The following EBF1 variants were observed in gnomAD, a reference collection of about 807,000 sequenced individuals.
EBF1 encodes the protein transcription factor COE1.
EBF1 carries 10 observed loss-of-function variants against 68.4 expected under a neutral mutation model. The ratio of observed to expected loss-of-function variants is 0.15; its 90% CI spans 0.09 to 0.25. The LOEUF (loss-of-function observed/expected upper bound fraction) is 0.25, where lower values mean the gene tolerates loss of function less well. EBF1 is among the 10% of genes least tolerant of loss of function. EBF1 has a pLI of 1.00. For synonymous variants in EBF1, 298 were observed against 299.8 expected, an observed-to-expected ratio of 0.99 and a Z score of 0.06; for missense variants, 509 against 794.4, an observed-to-expected ratio of 0.64 and a Z score of 4.32.
intron 6 of EBF1, among the ~76,000 whole-genome samples, chr5:158,977,109 T>C (rs1408706797): frequency 6.6e-6 from 1 of 152,144 alleles, no homozygotes; most frequent in African/African-American, 2.4e-5. Flanking sequence ...ACAGCGACTA[T>C]CATGGAACCA....
At chr5:159,073,010 T>G (rs895499190) in intron 6 of EBF1, among the ~76,000 whole-genome samples, 15 of 152,190 alleles carry the variant, frequency 9.9e-5, no homozygotes, top group African/African-American at 3.4e-4. Context: ...TAGCTAAAAG[T>G]GATAATGATT....
intron 6 of EBF1, among the ~76,000 whole-genome samples, chr5:158,879,625 T>G (rs1798457242): frequency 6.6e-6 from 1 of 152,192 alleles, no homozygotes; most frequent in Non-Finnish European, 1.5e-5. Flanking sequence ...AACATATGTG[T>G]GCATGTCAGC....
Position 158,903,769 on chromosome 5 carries a change from T to C in EBF1, c.555-63659A>G, listed in dbSNP as rs887041838. Among the ~76,000 whole-genome samples, 92 of 152,328 alleles carry C rather than the reference T, an allele frequency of 6.0e-4. 1 individual carries two copies. The highest frequency in any genetic ancestry group is 2.1e-3 in the African/African-American group (88 of 41,586). The stretch of plus-strand genomic sequence containing the variant: ...ATCCAAAGACAATCAGTGGCTTTAC[T>C]ATCTCACCTCTCTGTATTCTCTAAT... On this transcript the variant is annotated intron_variant, in intron 6 of 15. Transcript: ENST00000313708.
At chr5:158,721,961 G>T (rs1581315187) in intron 11 of EBF1, among the ~76,000 whole-genome samples, 1 of 151,304 alleles carries the variant, frequency 6.6e-6, no homozygotes, top group Admixed American at 6.6e-5. Context: ...ATGGTAATTG[G>T]TGAATGGGAG....
At chr5:158,805,187 G>C (rs1781342665) in intron 8 of EBF1, among the ~76,000 whole-genome samples, 2 of 152,098 alleles carry the variant, frequency 1.3e-5, no homozygotes, top group Admixed American at 6.6e-5. Flanking sequence ...CAATTTTCAG[G>C]TTAAAAAAAT....
At chr5:158,724,875 T>C (rs1762668484) in intron 11 of EBF1, among the ~76,000 whole-genome samples, 1 of 152,242 alleles carries the variant, frequency 6.6e-6, no homozygotes, top group South Asian at 2.1e-4. Context: ...TGTGTTTAAA[T>C]ATTCAGCATG....
chr5:158,984,190 C>T (rs141645267), intron 6 of EBF1, among the ~76,000 whole-genome samples: 1 of 152,216 alleles, frequency 6.6e-6, no homozygotes, highest in African/African-American at 2.4e-5. Context: ...ACCTACAAGT[C>T]TGCTAACAAC....
chr5:159,099,504 TCTC>T lies in EBF1; in HGVS notation c.-29_-27del. On this transcript the variant is annotated 5_prime_UTR_variant, in exon 1 of 16. Transcript: ENST00000313708. ...GAAAACAACCTTTTCTTGTGGAAAA[TCTC>T]CTCCCCCTTGAAAAAAATTAAAAAA... The T allele has an allele frequency of 7.5e-7, 1 of 1,335,346 alleles. No individual in the cohort carries two copies. The highest frequency in any genetic ancestry group is 9.6e-7 in the Non-Finnish European group (1 of 1,039,004). 82.7% of individuals were successfully genotyped at this position (1,335,346 alleles called of 1,614,324 possible).
chr5:159,016,711 A>G (rs889461624), intron 6 of EBF1, among the ~76,000 whole-genome samples: 2 of 152,308 alleles, frequency 1.3e-5, no homozygotes, highest in African/African-American at 4.8e-5. Flanking sequence ...CTGGGCATAC[A>G]CTGACTAGCC....
At chr5:158,775,055 T>C (rs1774818981) in intron 10 of EBF1, among the ~76,000 whole-genome samples, 1 of 152,010 alleles carries the variant, frequency 6.6e-6, no homozygotes, top group African/African-American at 2.4e-5. Context: ...CATTTTTTCA[T>C]ACCTTAAATT....
At chr5:158,911,983 T>C (rs2127366027) in intron 6 of EBF1, among the ~76,000 whole-genome samples, 1 of 152,276 alleles carries the variant, frequency 6.6e-6, no homozygotes, top group South Asian at 2.1e-4. Context: ...GACAAGAAAC[T>C]GCTCTCTCTT....
At chr5:158,757,926 G>C (rs1374151943) in intron 10 of EBF1, among the ~76,000 whole-genome samples, 1 of 152,112 alleles carries the variant, frequency 6.6e-6, no homozygotes, top group Non-Finnish European at 1.5e-5. Flanking sequence ...ACAAGGCATA[G>C]TACGAGGCAC....
chr5:159,033,988 TC>T (rs1231034346), intron 6 of EBF1, among the ~76,000 whole-genome samples: 1 of 152,186 alleles, frequency 6.6e-6, no homozygotes. Flanking sequence ...TATTATTACA[TC>T]TGTTATTATA....
intron 6 of EBF1, among the ~76,000 whole-genome samples, chr5:159,021,057 T>TA (rs1258296109): frequency 1.8e-4 from 27 of 152,230 alleles, no homozygotes; most frequent in Non-Finnish European, 7.3e-5. Flanking sequence ...CCCCTGACAA[T>TA]ACTGGAGTTA....
At chr5:158,799,831 C>T (rs1780271262) in intron 8 of EBF1, among the ~76,000 whole-genome samples, 1 of 152,210 alleles carries the variant, frequency 6.6e-6, no homozygotes, top group East Asian at 1.9e-4. Flanking sequence ...CCAAAGAAGC[C>T]AGGAAGCCAC....
At chr5:158,999,571 T>TAA (rs1195868754) in intron 6 of EBF1, among the ~76,000 whole-genome samples, 2 of 152,188 alleles carry the variant, frequency 1.3e-5, no homozygotes, top group Non-Finnish European at 2.9e-5. Flanking sequence ...CTATTCCAAG[T>TAA]GGCAAGTTTT....
chr5:158,915,434 G>A (rs1241903983), intron 6 of EBF1, among the ~76,000 whole-genome samples: 1 of 152,240 alleles, frequency 6.6e-6, no homozygotes, highest in Non-Finnish European at 1.5e-5. Context: ...GAAAGAAGTT[G>A]CTGGTAATGC....
intron 10 of EBF1, among the ~76,000 whole-genome samples, chr5:158,745,210 G>T (rs975357354): frequency 6.6e-6 from 1 of 152,086 alleles, no homozygotes; most frequent in African/African-American, 2.4e-5. Context: ...GGCCACTTCC[G>T]CAATAACCCC....
At chr5:158,950,387 T>C (rs143469139) in intron 6 of EBF1, among the ~76,000 whole-genome samples, 7 of 152,268 alleles carry the variant, frequency 4.6e-5, no homozygotes, top group Non-Finnish European at 1.0e-4. Flanking sequence ...ACAACAAAAC[T>C]TCAGTCCAGG....
Sources: gnomAD v4.1 joint callset for allele counts (sites outside exome capture counted in the v4.1 genomes callset) on GRCh38, gnomAD v4.1.1 for gene constraint, MANE v1.5 for transcripts, NCBI Gene and HGNC (gene_info 2026-07-23, HGNC 2026-07-21) for gene names.